The following ERCC6L variants were observed in gnomAD, a reference collection of about 807,000 sequenced individuals.
ERCC6L encodes DNA excision repair protein ERCC-6-like.
Under a neutral mutation model 20.1 loss-of-function variants are expected in ERCC6L, and 7 were observed. That is an observed-to-expected ratio of 0.35 (90% CI 0.20 to 0.65). The LOEUF is 0.65. ERCC6L is among the 30% of genes least tolerant of loss of function. The probability of loss-of-function intolerance (pLI) is 0.69; values close to 1 mark genes in which losing one functional copy is unlikely to be tolerated. For synonymous variants in ERCC6L, 278 were observed against 331.3 expected (o/e 0.84, Z 1.75); for missense variants, 592 against 892.4 (o/e 0.66, Z 4.29).
intron 1 of ERCC6L, among the ~76,000 whole-genome samples, chrX:72,210,233 AT>A (rs2042846395): frequency 9.2e-6 from 1 of 108,829 alleles, no homozygotes; most frequent in Non-Finnish European, 1.9e-5. Context: ...AAATAAATAA[AT>A]AAATAAATAA....
intron 1 of ERCC6L, among the ~76,000 whole-genome samples, chrX:72,216,683 G>T (rs1248989935): frequency 9.0e-6 from 1 of 111,292 alleles, no homozygotes; most frequent in Non-Finnish European, 1.9e-5. Context: ...TTTTGTGTTT[G>T]GCAGGTTAAC....
chrX:72,214,797 GC>G (rs2042878548), intron 1 of ERCC6L, among the ~76,000 whole-genome samples: 1 of 111,427 alleles, frequency 9.0e-6, no homozygotes, highest in East Asian at 2.8e-4. Context: ...GATTAGCCCT[GC>G]CATCATGGTG....
At chrX:72,220,832 G>A (rs1260053573) in intron 1 of ERCC6L, among the ~76,000 whole-genome samples, 1 of 111,893 alleles carries the variant, frequency 8.9e-6, no homozygotes. Flanking sequence ...AAGTAAACCT[G>A]CCTCTAACTG....
intron 1 of ERCC6L, among the ~76,000 whole-genome samples, chrX:72,226,019 T>C (rs1038149957): frequency 2.7e-5 from 3 of 111,740 alleles, no homozygotes; most frequent in Non-Finnish European, 1.9e-5. Context: ...CTTTTCACAG[T>C]CTGCAAAATA....
intron 1 of ERCC6L, chrX:72,237,690 G>C (rs1349705238): frequency 3.7e-5 from 4 of 108,407 alleles, no homozygotes; most frequent in Non-Finnish European, 7.7e-5. Flanking sequence ...TGAGCCCCGG[G>C]GGATGGAAGT....
chrX:72,205,031 GCT>G lies in ERCC6L; in HGVS notation c.3734_3735del (p.Lys1245ThrfsTer3). On this transcript the variant is annotated frameshift_variant, in exon 2 of 2. Coordinates refer to ENST00000334463, the MANE Select transcript of ERCC6L (RefSeq NM_017669.4). LOFTEE classifies it high-confidence loss of function. ...EVMLLTLSLYKQLNNN is the reference protein window; with the variant it reads ...EVMLLTLSLYXQLNNN ...TTACATTCTCAATTGTTATTAAGTTGCTTATACAAACTTAAAGTCAAGAGCAT... is the reference window on the plus strand; with the variant it reads ...TTACATTCTCAATTGTTATTAAGTTGTATACAAACTTAAAGTCAAGAGCAT... The G allele has an allele frequency of 8.4e-7, 1 of 1,195,107 alleles. No individual in the cohort carries two copies. Among genetic ancestry groups the G allele is most frequent in the Non-Finnish European group, 1.1e-6 (1 of 886,105 alleles).
At chrX:72,214,604 C>T (rs966974295) in intron 1 of ERCC6L, among the ~76,000 whole-genome samples, 2 of 100,713 alleles carry the variant, frequency 2.0e-5, no homozygotes, top group Non-Finnish European at 3.9e-5. Context: ...ACCAGGGAGG[C>T]GGAAGTTGCA....
rs769969314 is a variant in ERCC6L, at chrX:72,225,222, G to A, written c.68+13622C>T. 4.5e-5 allele frequency among the ~76,000 whole-genome samples: 5 copies of A among 111,264 alleles called. No homozygotes were observed. The Admixed American group carries it at 4.8e-4, about 11-fold the overall frequency. On this transcript the variant is annotated intron_variant, in intron 1 of 1. Coordinates refer to ENST00000334463, the MANE Select transcript of ERCC6L (RefSeq NM_017669.4). ...AAACCTTTTTGCTTTCACTTAGACC[G>A]ACCCTGACATAGGCTACTCCCAACA... is the stretch of plus-strand genomic sequence containing the variant.
chrX:72,232,711 G>A (rs1304096962), intron 1 of ERCC6L, among the ~76,000 whole-genome samples: 1 of 111,975 alleles, frequency 8.9e-6, no homozygotes, highest in African/African-American at 3.2e-5. Context: ...TCAGGAGGCT[G>A]AGGCAGGAGA....
intron 1 of ERCC6L, among the ~76,000 whole-genome samples, chrX:72,222,700 C>T (rs1393109123): frequency 9.3e-6 from 1 of 107,424 alleles, no homozygotes; most frequent in African/African-American, 3.4e-5. Flanking sequence ...CAGGTTCAAG[C>T]GATTCTCCTG....
rs2042808359 is a variant in ERCC6L, at chrX:72,205,069, T to C, written c.3698A>G (p.Asp1233Gly). ...LVKALDIKSA[D>G]PEVMLLTLSL... ...TAAAGTCAAGAGCATAACTTCAGGA[T>C]CTGCACTTTTTATGTCAAGCGCTTT... Residue 1233 changes from aspartate (D) to glycine (G), a missense_variant, in exon 2 of 2, where the codon GAT becomes GGT. Physicochemically the swap from Asp to Gly is moderately conservative, Grantham distance 94 (BLOSUM62 -1). Coordinates refer to ENST00000334463, the MANE Select transcript of ERCC6L (RefSeq NM_017669.4). 8.3e-7 allele frequency: 1 copy of C among 1,209,008 alleles called. No homozygotes were observed. The highest frequency in any genetic ancestry group is 1.1e-6 in the Non-Finnish European group (1 of 894,942).
chrX:72,208,868 CACAA>C (rs747260361), intron 1 of ERCC6L, among the ~76,000 whole-genome samples, 170 bp from the exon 2 acceptor site: 2 of 112,136 alleles, frequency 1.8e-5, no homozygotes, highest in South Asian at 3.7e-4. Context: ...TCACTTGAGA[CACAA>C]ACAAATATCC....
At chrX:72,226,325 G>A (rs2042953552) in intron 1 of ERCC6L, among the ~76,000 whole-genome samples, 1 of 111,963 alleles carries the variant, frequency 8.9e-6, no homozygotes, top group Admixed American at 9.5e-5. Context: ...CTATCATTGA[G>A]GGATATCATG....
rs1035296080 is a variant in ERCC6L at position 72,218,638 on chromosome X, C to T, written c.69-9940G>A. On this transcript the variant is annotated intron_variant, in intron 1 of 1. Coordinates refer to ENST00000334463, the MANE Select transcript of ERCC6L (RefSeq NM_017669.4). Reference sequence around the variant, plus strand: ...CCTCCCGAGCAGCTGGGATTATAGGCGTGCACCACCCTCACCTGGCTAATT... The same window carrying T: ...CCTCCCGAGCAGCTGGGATTATAGGTGTGCACCACCCTCACCTGGCTAATT... Among the ~76,000 whole-genome samples the T allele has an allele frequency of 4.6e-5, 5 of 109,749 alleles. No homozygotes were observed. The East Asian group carries it at 1.4e-3, about 32-fold the overall frequency.
rs139531286 is a variant in ERCC6L at position 72,207,273 on chromosome X, A to G, written c.1494T>C (p.Asn498=). ...CGATTCGCAATGTCTTAAAGTGCCT[A>G]TTCTTTAAGAGGCGTTCAATGATGT... The part of the protein sequence containing the change: ...ILNIIERLLK[N]RHFKTLRIDG... The change falls in exon 2 of 2, where the codon AAT becomes AAC. Residue 498 remains asparagine (N), a synonymous_variant. Transcript: ENST00000334463. The G allele has an allele frequency of 5.2e-5, 63 of 1,209,167 alleles. No homozygotes were observed. The African/African-American group carries it at 1.0e-3, about 20-fold the overall frequency.
At chrX:72,237,975 A>G (rs1395254048) in intron 1 of ERCC6L, 1 of 110,926 alleles carries the variant, frequency 9.0e-6, no homozygotes, top group African/African-American at 3.3e-5. Flanking sequence ...TAAAGCAGTA[A>G]AATTCACAGA....
intron 1 of ERCC6L, among the ~76,000 whole-genome samples, chrX:72,235,324 G>T (rs761550360): frequency 9.2e-6 from 1 of 108,839 alleles, no homozygotes; most frequent in East Asian, 2.9e-4. Context: ...ACCGAGCCAG[G>T]TAGGATAGGT....
intron 1 of ERCC6L, among the ~76,000 whole-genome samples, chrX:72,210,615 G>C (rs1449805464): frequency 9.0e-6 from 1 of 111,459 alleles, no homozygotes; most frequent in Non-Finnish European, 1.9e-5. Flanking sequence ...AGACTAAAGT[G>C]CTGTCCCTGA....
At position 72,207,196 on chromosome X, in the gene ERCC6L, T is replaced by A. The variant is rs749715424; in HGVS notation, c.1571A>T (p.Gln524Leu). ...LEREKRINLFQQNKDYSVFLL... is the reference protein window; with the variant it reads ...LEREKRINLFLQNKDYSVFLL... ...AAAAACAGAGTAATCTTTATTTTGC[T>A]GGAATAAGTTAATTCTTTTTTCTCG... The change falls in exon 2 of 2, where the codon CAG becomes CTG. Residue 524 changes from glutamine to leucine, a missense_variant. Transcript: ENST00000334463. 9.8e-5 allele frequency: 118 copies of A among 1,209,961 alleles called. No individual in the cohort carries two copies. The highest frequency in any genetic ancestry group is 2.3e-4 in the Middle Eastern group (1 of 4,374).
Sources: gnomAD v4.1 joint callset for allele counts (sites outside exome capture counted in the v4.1 genomes callset) on GRCh38, gnomAD v4.1.1 for gene constraint, MANE v1.5 for transcripts, NCBI Gene and HGNC (gene_info 2026-07-23, HGNC 2026-07-21) for gene names.